Variants in GPRIN1 observed in about 807,000 individuals in gnomAD.
GPRIN1 encodes G protein-regulated inducer of neurite outgrowth 1.
Under a neutral mutation model 2.8 loss-of-function variants are expected in GPRIN1, and 4 were observed. The observed-to-expected ratio is 1.45, with a 90% CI of 0.71 to 3.32. The LOEUF (loss-of-function observed/expected upper bound fraction) is 3.32, where lower values mean the gene tolerates loss of function less well. Ranked by LOEUF, GPRIN1 falls within the 30% of genes most tolerant of loss-of-function variation. The pLI is 0.01. For missense variants in GPRIN1, 1,322 were observed against 1,343.4 expected (o/e 0.98, Z 0.25); for synonymous variants, 589 against 589.9 (o/e 1.00, Z 0.02).
intron 1 of GPRIN1, among the ~76,000 whole-genome samples, chr5:176,609,663 C>G (rs898484902): frequency 2.0e-5 from 3 of 152,028 alleles, no homozygotes; most frequent in African/African-American, 7.2e-5. Flanking sequence ...GCGGCCATGC[C>G]GAACAAAGCC....
intron 1 of GPRIN1, among the ~76,000 whole-genome samples, chr5:176,604,063 T>A (rs559651865): frequency 2.2e-4 from 33 of 152,312 alleles, no homozygotes; most frequent in African/African-American, 7.9e-4. Flanking sequence ...TTCTAGGCAT[T>A]ATTCTTGGGA....
chr5:176,609,923 C>G (rs1419118994), intron 1 of GPRIN1, 76 bp downstream of exon 1: 1 of 151,576 alleles, frequency 6.6e-6, no homozygotes, highest in Non-Finnish European at 1.5e-5. Context: ...GACAGCGGCT[C>G]CGGGGCGGCA....
chr5:176,599,350 T>G lies in GPRIN1; in HGVS notation c.485A>C (p.Asp162Ala), dbSNP rs1393189180. 1.2e-6 allele frequency: 2 copies of G among 1,614,238 alleles called. No individual in the cohort carries two copies. Among genetic ancestry groups the G allele is most frequent in the Non-Finnish European group, 1.7e-6 (2 of 1,180,034 alleles). Residue 162 changes from aspartate (D) to alanine (A), a missense_variant, in exon 2 of 2, where the codon GAT becomes GCT. Physicochemically the swap from Asp to Ala is moderately radical, Grantham distance 126. Coordinates refer to ENST00000303991, the MANE Select transcript of GPRIN1 (RefSeq NM_052899.3). ...KMDFKSSKQA[D>A]STSIGKEDPG... ...ATCCTCCTTTCCTATGGAAGTGGAA[T>G]CGGCCTGCTTTGAGGACTTGAAATC...
chr5:176,598,288 C>A lies in GPRIN1; in HGVS notation c.1547G>T (p.Gly516Val), dbSNP rs997506347. 3.1e-6 allele frequency: 5 copies of A among 1,613,672 alleles called. No individual in the cohort carries two copies. The East Asian group carries it at 1.1e-4, about 36-fold the overall frequency. ...PSAVKAEPAT[G>V]GKGDPLSSEK... ...CGAGGACAGGGGATCTCCTTTTCCC[C>A]CCGTCGCTGGCTCAGCCTTTACTGC... The change falls in exon 2 of 2, where the codon GGG becomes GTG. Residue 516 changes from glycine to valine, a missense_variant. By Grantham distance (109) the Gly-to-Val change is moderately radical. Transcript: ENST00000303991.
At chr5:176,607,883 G>A (rs1050230820) in intron 1 of GPRIN1, among the ~76,000 whole-genome samples, 3 of 133,756 alleles carry the variant, frequency 2.2e-5, no homozygotes, top group African/African-American at 8.5e-5. Flanking sequence ...TTCTAAGATC[G>A]TGGACACTGA....
Position 176,603,342 on chromosome 5 carries a change from C to T in GPRIN1, c.-43-3465G>A, listed in dbSNP as rs528235892. 7.8e-4 allele frequency among the ~76,000 whole-genome samples: 119 copies of T among 152,280 alleles called. 1 individual carries two copies. The South Asian group carries it at 0.014, about 18-fold the overall frequency. On this transcript the variant is annotated intron_variant, in intron 1 of 1. Transcript: ENST00000303991. Reference sequence around the variant, plus strand: ...TCTTGCCTGGCTGTCTCTTATTACACCTTCAGATCTCCGTTAAAACACCTC... The same window carrying T: ...TCTTGCCTGGCTGTCTCTTATTACATCTTCAGATCTCCGTTAAAACACCTC...
chr5:176,609,592 G>A (rs1463767972), intron 1 of GPRIN1, among the ~76,000 whole-genome samples: 1 of 152,140 alleles, frequency 6.6e-6, no homozygotes, highest in African/African-American at 2.4e-5. Flanking sequence ...CTCGCTCCGG[G>A]GAAGATGAAT....
In GPRIN1 at chr5:176,610,091, G is replaced by C. The variant is rs1442430834; in HGVS notation, c.-136C>G. On this transcript the variant is annotated 5_prime_UTR_variant, in exon 1 of 2. Transcript: ENST00000303991. ...GCCCGAGCGGCCTCGGCTGCCTCCG[G>C]CCGGGCTGGCGGGAGGACCCGCAGA... is the stretch of plus-strand genomic sequence containing the variant. 6.6e-6 allele frequency: 1 copy of C among 150,654 alleles called. No individual in the cohort carries two copies. The highest frequency in any genetic ancestry group is 1.5e-5 in the Non-Finnish European group (1 of 67,792). The allele number at this position is 150,654 out of a possible 1,614,324, so 9.3% of individuals were successfully genotyped here. A position where few individuals can be genotyped will look rare whatever the true frequency, so the allele number is the denominator to read the frequency against.
At chr5:176,599,986 TC>T in intron 1 of GPRIN1, 109 bp from the exon 2 acceptor site, 1 of 642,090 alleles carries the variant, frequency 1.6e-6, no homozygotes, top group Non-Finnish European at 2.3e-6. Flanking sequence ...TCCCCACCTG[TC>T]CAGAGGACCT....
rs369279565 is a variant in GPRIN1, at chr5:176,599,460, C to T, written c.375G>A (p.Thr125=). 43 of 1,614,084 alleles carry T rather than the reference C, an allele frequency of 2.7e-5. No individual in the cohort carries two copies. Among genetic ancestry groups the T allele is most frequent in the East Asian group, 6.7e-5 (3 of 44,884 alleles). The change falls in exon 2 of 2, where the codon ACG becomes ACA. Residue 125 remains threonine, a synonymous_variant. Coordinates refer to ENST00000303991, the MANE Select transcript of GPRIN1 (RefSeq NM_052899.3). ...ASISGTPEAT[T]SGKPEPVSSV... is the part of the protein sequence containing the mutation. ...AGGACACAGGCTCTGGCTTCCCAGACGTGGTGGCTTCTGGTGTCCCTGAGA... is the reference window on the plus strand; with the variant it reads ...AGGACACAGGCTCTGGCTTCCCAGATGTGGTGGCTTCTGGTGTCCCTGAGA...
intron 1 of GPRIN1, among the ~76,000 whole-genome samples, chr5:176,601,646 C>CAT (rs1443235670): frequency 6.6e-6 from 1 of 152,112 alleles, no homozygotes; most frequent in East Asian, 1.9e-4. Context: ...GCTGGGCCTA[C>CAT]AAGCAACCCC....
Position 176,597,111 on chromosome 5 carries a change from C to T in GPRIN1, c.2724G>A (p.Glu908=), listed in dbSNP as rs750875886. 6.8e-7 allele frequency: 1 copy of T among 1,476,900 alleles called. No homozygotes were observed. The highest frequency in any genetic ancestry group is 9.0e-7 in the Non-Finnish European group (1 of 1,110,962). 91.5% of individuals were successfully genotyped at this position (1,476,900 alleles called of 1,614,324 possible). A position where few individuals can be genotyped will look rare whatever the true frequency, so the allele number is the denominator to read the frequency against. ...CGTCCCAGCTCACGTCTCGCACGGG[C>T]TCAGCCGGCTCCGGGGGCGCTACAG... ...AAAVAPPEPA[E]PVRDVSWDEK... Residue 908 remains glutamate, a synonymous_variant, in exon 2 of 2, where the codon GAG becomes GAA. Coordinates refer to ENST00000303991, the MANE Select transcript of GPRIN1 (RefSeq NM_052899.3). This position sits in a 1 kb window ranked among gnomAD's most constrained non-coding sequence, Gnocchi z 6.1.
chr5:176,608,428 C>T (rs1360744636), intron 1 of GPRIN1, among the ~76,000 whole-genome samples: 1 of 152,186 alleles, frequency 6.6e-6, no homozygotes, highest in East Asian at 1.9e-4. Flanking sequence ...CTGACTGAGG[C>T]AGAAGGCAGA....
In GPRIN1 at chr5:176,597,940, G is replaced by C; in HGVS notation, c.1895C>G (p.Pro632Arg). The C allele has an allele frequency of 1.1e-5, 18 of 1,613,958 alleles. No homozygotes were observed. Among genetic ancestry groups the C allele is most frequent in the Non-Finnish European group, 1.4e-5 (17 of 1,180,004 alleles). The change falls in exon 2 of 2, where the codon CCG becomes CGG. Residue 632 changes from proline (P) to arginine (R), a missense_variant. Coordinates refer to ENST00000303991, the MANE Select transcript of GPRIN1 (RefSeq NM_052899.3). This position sits in a 1 kb window ranked among gnomAD's most constrained non-coding sequence, Gnocchi z 6.1. ...ADPRASGKAQ[P>R]QSGGKAETKL... Reference sequence around the variant, plus strand: ...TGTTTCTGCTTTGCCACCAGACTGCGGCTGTGCTTTCCCCGAGGCCCTGGG... The same window carrying C: ...TGTTTCTGCTTTGCCACCAGACTGCCGCTGTGCTTTCCCCGAGGCCCTGGG...
chr5:176,605,915 G>A (rs1240270616), intron 1 of GPRIN1, among the ~76,000 whole-genome samples: 1 of 152,186 alleles, frequency 6.6e-6, no homozygotes, highest in Non-Finnish European at 1.5e-5. Flanking sequence ...GAATTCAACA[G>A]CTGCCTGGCT....
chr5:176,599,894 G>A lies in GPRIN1; in HGVS notation c.-43-17C>T. On this transcript the variant is annotated splice_polypyrimidine_tract_variant and intron_variant, in intron 1 of 1. Coordinates refer to ENST00000303991, the MANE Select transcript of GPRIN1 (RefSeq NM_052899.3). The stretch of plus-strand genomic sequence containing the variant: ...TGTCTGGTTCTGAAACAGAGAGAGA[G>A]CTGACTCAGACTTCCCAAAGCTCAG... The A allele has an allele frequency of 7.5e-7, 1 of 1,337,382 alleles. No individual in the cohort carries two copies. Among genetic ancestry groups the A allele is most frequent in the Middle Eastern group, 2.0e-4 (1 of 5,052 alleles). 82.8% of individuals were successfully genotyped at this position (1,337,382 alleles called of 1,614,324 possible). A position where few individuals can be genotyped will look rare whatever the true frequency, so the allele number is the denominator to read the frequency against.
intron 1 of GPRIN1, among the ~76,000 whole-genome samples, chr5:176,606,470 C>T (rs1214821729): frequency 6.6e-6 from 1 of 152,222 alleles, no homozygotes; most frequent in African/African-American, 2.4e-5. Context: ...TTTCATGTGA[C>T]AGTAAGATTT....
chr5:176,599,212 T>C lies in GPRIN1; in HGVS notation c.623A>G (p.Lys208Arg), dbSNP rs762209142. The change falls in exon 2 of 2, where the codon AAG becomes AGG. Residue 208 changes from lysine (K) to arginine (R), a missense_variant. Lys to Arg is a conservative substitution (Grantham distance 26). This residue lies in a region of GPRIN1 where 1,117 missense variants were observed against 1,128.6 expected (regional missense o/e 0.99). Transcript: ENST00000303991. ...PGRMDPMTVR[K>R]EDLGSLGKVD... ...TTTTCCCAGGGATCCAAGATCTTCC[T>C]TTCTTACAGTCATGGGATCCATCCT... is the stretch of plus-strand genomic sequence containing the variant. 1.9e-6 allele frequency: 3 copies of C among 1,613,848 alleles called. No individual in the cohort carries two copies. The highest frequency in any genetic ancestry group is 1.3e-5 in the African/African-American group (1 of 75,032).
Position 176,597,008 on chromosome 5 carries a change from C to A in GPRIN1, c.2827G>T (p.Glu943Ter). 1 of 1,462,766 alleles carries A rather than the reference C, an allele frequency of 6.8e-7. No homozygotes were observed. The highest frequency in any genetic ancestry group is 1.4e-5 in the South Asian group (1 of 72,176). The allele number at this position is 1,462,766 out of a possible 1,614,324, so 90.6% of individuals were successfully genotyped here. ...CGGCCGTGCTCCTCGATCTGTCGCTCCAGATGCTTCTGGATGGCCATGCCC... is the reference window on the plus strand; with the variant it reads ...CGGCCGTGCTCCTCGATCTGTCGCTACAGATGCTTCTGGATGGCCATGCCC... ...VLGMAIQKHL[E>*]RQIEEHGRQG... Residue 943 changes from glutamate to a stop codon, truncating the protein, a stop_gained, in exon 2 of 2, where the codon GAG becomes TAG. Coordinates refer to ENST00000303991, the MANE Select transcript of GPRIN1 (RefSeq NM_052899.3). LOFTEE classifies it high-confidence loss of function. The surrounding 1 kb of genome is among the most constrained non-coding windows in gnomAD (Gnocchi z 6.1).
Sources: allele counts gnomAD v4.1 joint callset (sites outside exome capture counted in the v4.1 genomes callset), GRCh38; gene constraint gnomAD v4.1.1; regional missense constraint gnomAD v4.1.1; non-coding constraint Gnocchi (gnomAD v3.1); transcripts MANE v1.5; gene names NCBI Gene and HGNC (gene_info 2026-07-23, HGNC 2026-07-21).